The following CELF2 variants were observed in gnomAD, a reference collection of about 807,000 sequenced individuals.
The protein encoded by CELF2 is CUGBP Elav-like family member 2.
CELF2 carries 8 observed loss-of-function variants against 62.6 expected under a neutral mutation model. That is an observed-to-expected ratio of 0.13 (90% CI 0.07 to 0.23). The LOEUF is 0.23. CELF2 is among the 10% of genes least tolerant of loss of function. The pLI is 1.00. For missense variants in CELF2, 333 were observed against 671.0 expected (o/e 0.50, Z 5.56); for synonymous variants, 258 against 250.0 (o/e 1.03, Z -0.30).
At chr10:11,103,487 A>AT (rs3054364) in intron 1 of CELF2, among the ~76,000 whole-genome samples, 4,142 of 119,710 alleles carry the variant, frequency 0.035, 171 homozygotes, top group African/African-American at 0.073. Context: ...TTGTAGCCTG[A>AT]TTTTTTTTTT....
the CELF2 span, among the ~76,000 whole-genome samples, chr10:10,477,458 G>A: frequency 6.6e-6 from 1 of 152,118 alleles, no homozygotes; most frequent in Non-Finnish European, 1.5e-5. Flanking sequence ...CAGCTAAGTA[G>A]GTAGAGAAAA....
At chr10:10,499,843 A>T in the CELF2 span, among the ~76,000 whole-genome samples, 1 of 152,280 alleles carries the variant, frequency 6.6e-6, no homozygotes, top group South Asian at 2.1e-4. Flanking sequence ...ATGCCACTGC[A>T]CTCCAGCTTG....
the CELF2 span, among the ~76,000 whole-genome samples, chr10:10,632,340 C>T: frequency 6.6e-6 from 1 of 152,138 alleles, no homozygotes; most frequent in Non-Finnish European, 1.5e-5. Context: ...CGCAGTGATT[C>T]CTTTGACGTT....
chr10:11,166,849 C>G (rs59264149), intron 2 of CELF2, among the ~76,000 whole-genome samples: 279 of 152,328 alleles, frequency 1.8e-3, no homozygotes, highest in African/African-American at 6.2e-3. Context: ...TCTGTGACTC[C>G]GAGAAATTTT....
chr10:10,737,486 G>T, the CELF2 span, among the ~76,000 whole-genome samples: 1 of 152,148 alleles, frequency 6.6e-6, no homozygotes, highest in African/African-American at 2.4e-5. Context: ...AATTGTCTGG[G>T]AGTTATGACT....
the CELF2 span, among the ~76,000 whole-genome samples, chr10:10,543,433 G>A: frequency 1.4e-4 from 21 of 152,306 alleles, no homozygotes; most frequent in East Asian, 1.5e-3. Context: ...ACAGAGGCCT[G>A]TCAACTTTAA....
the CELF2 span, among the ~76,000 whole-genome samples, chr10:10,665,698 G>A: frequency 6.6e-6 from 1 of 152,230 alleles, no homozygotes; most frequent in African/African-American, 2.4e-5. Context: ...TTAAAAGAAG[G>A]TTGATGCTAT....
chr10:10,681,456 T>C, the CELF2 span, among the ~76,000 whole-genome samples: 3 of 152,108 alleles, frequency 2.0e-5, no homozygotes, highest in Non-Finnish European at 4.4e-5. Context: ...TCATACCCTC[T>C]CCATTCCAAC....
At chr10:10,685,352 TAA>T in the CELF2 span, among the ~76,000 whole-genome samples, 1 of 152,206 alleles carries the variant, frequency 6.6e-6, no homozygotes, top group African/African-American at 2.4e-5. Flanking sequence ...CCACAGTACT[TAA>T]GAGACATTTA....
chr10:10,507,981 A>G, the CELF2 span, among the ~76,000 whole-genome samples: 5 of 152,206 alleles, frequency 3.3e-5, no homozygotes, highest in African/African-American at 9.7e-5. Context: ...AAGTAGATAA[A>G]CTAGCTTTCT....
In CELF2 at chr10:11,260,750, T is replaced by G. The variant is rs2080279264; in HGVS notation, c.538+2878T>G. Reference sequence around the variant, plus strand: ...ATAAGAAAGAAAGAAAATACTCATTTATAACCATTTATCCTGAGAACTGAA... The same window carrying G: ...ATAAGAAAGAAAGAAAATACTCATTGATAACCATTTATCCTGAGAACTGAA... On this transcript the variant is annotated intron_variant, in intron 5 of 12. Transcript: ENST00000633077. The surrounding 1 kb of genome is among the most constrained non-coding windows in gnomAD (Gnocchi z 4.2). Among the ~76,000 whole-genome samples the G allele has an allele frequency of 6.6e-6, 1 of 152,196 alleles. No individual in the cohort carries two copies. Among genetic ancestry groups the G allele is most frequent in the Non-Finnish European group, 1.5e-5 (1 of 68,040 alleles).
intron 2 of CELF2, among the ~76,000 whole-genome samples, chr10:11,212,739 T>G (rs1168792980): frequency 1.8e-4 from 3 of 16,640 alleles, no homozygotes; most frequent in Non-Finnish European, 6.2e-4. Flanking sequence ...TGTTTTGGGT[T>G]TTTTTTTTTT....
At chr10:10,613,407 A>G in the CELF2 span, among the ~76,000 whole-genome samples, 3 of 152,208 alleles carry the variant, frequency 2.0e-5, no homozygotes, top group Admixed American at 2.0e-4. Flanking sequence ...CAATTGGGAG[A>G]AAAATAAACA....
intron 2 of CELF2, among the ~76,000 whole-genome samples, chr10:10,980,330 G>A (rs2051920608): frequency 6.6e-6 from 1 of 152,076 alleles, no homozygotes; most frequent in African/African-American, 2.4e-5. Flanking sequence ...AAGAAGTTAT[G>A]TCACTTTTCT....
Position 11,214,238 on chromosome 10 carries a change from C to T in CELF2, c.272-3187C>T, listed in dbSNP as rs2062693306. Among the ~76,000 whole-genome samples the T allele has an allele frequency of 6.6e-6, 1 of 152,212 alleles. No homozygotes were observed. The highest frequency in any genetic ancestry group is 6.5e-5 in the Admixed American group (1 of 15,290). ...TCAAGGCTGCAGTGAGCTGTGATCA[C>T]ACCACTGCATTCCAGCCAGGACAAC... On this transcript the variant is annotated intron_variant, in intron 2 of 12. Coordinates refer to ENST00000633077, the MANE Select transcript of CELF2 (RefSeq NM_001326342.2). This position sits in a 1 kb window ranked among gnomAD's most constrained non-coding sequence, Gnocchi z 4.2.
the CELF2 span, among the ~76,000 whole-genome samples, chr10:10,532,259 T>C: frequency 6.6e-6 from 1 of 152,262 alleles, no homozygotes; most frequent in Non-Finnish European, 1.5e-5. Flanking sequence ...AGTAATCATT[T>C]GTTCCCAAGA....
At chr10:10,801,150 G>A (rs537203434) in intron 1 of CELF2, among the ~76,000 whole-genome samples, 1 of 152,126 alleles carries the variant, frequency 6.6e-6, no homozygotes, top group Admixed American at 6.5e-5. Context: ...TTTTGCTAGA[G>A]TAAGTGAAGT....
intron 8 of CELF2, among the ~76,000 whole-genome samples, chr10:11,279,781 G>A (rs938621930): frequency 3.9e-5 from 6 of 152,000 alleles, no homozygotes; most frequent in African/African-American, 9.7e-5. Context: ...GGCATATTGC[G>A]CATCTGTTTG....
chr10:11,106,909 A>G (rs536887049), intron 1 of CELF2, among the ~76,000 whole-genome samples: 137 of 152,322 alleles, frequency 9.0e-4, no homozygotes, highest in African/African-American at 3.2e-3. Context: ...CTCTGCAGAA[A>G]GGCTGCTGGG....
Sources: gnomAD v4.1 joint callset for allele counts (sites outside exome capture counted in the v4.1 genomes callset) on GRCh38, gnomAD v4.1.1 for gene constraint, Gnocchi (gnomAD v3.1) non-coding constraint, MANE v1.5 for transcripts, NCBI Gene and HGNC (gene_info 2026-07-23, HGNC 2026-07-21) for gene names.